Variants in IFRD1 observed in about 807,000 individuals in gnomAD.
IFRD1 encodes the protein interferon-related developmental regulator 1.
IFRD1 carries 35 observed loss-of-function variants against 52.9 expected under a neutral mutation model. The ratio of observed to expected loss-of-function variants is 0.66; its 90% CI spans 0.51 to 0.88. The LOEUF (loss-of-function observed/expected upper bound fraction) is 0.88. Among genes scored for constraint, IFRD1 ranks in the 40% least tolerant of loss-of-function variants. The pLI is 0.00. For synonymous variants in IFRD1, 184 were observed against 188.4 expected, an observed-to-expected ratio of 0.98 and a Z score of 0.19; for missense variants, 517 against 550.8, an observed-to-expected ratio of 0.94 and a Z score of 0.61.
At chr7:112,468,593 G>A (rs1052153280) in intron 9 of IFRD1, among the ~76,000 whole-genome samples, 1 of 152,028 alleles carries the variant, frequency 6.6e-6, no homozygotes, top group African/African-American at 2.4e-5. Flanking sequence ...TCCGCCTCCC[G>A]GGTTCAAGTA....
At chr7:112,427,684 A>G (rs1278247481) in intron 1 of IFRD1, among the ~76,000 whole-genome samples, 1 of 152,180 alleles carries the variant, frequency 6.6e-6, no homozygotes, top group Non-Finnish European at 1.5e-5. Context: ...CCTACTCACA[A>G]GCTTAGACAT....
chr7:112,439,355 A>C (rs1009682621), intron 1 of IFRD1, among the ~76,000 whole-genome samples: 3 of 152,254 alleles, frequency 2.0e-5, no homozygotes, highest in Admixed American at 1.3e-4. Flanking sequence ...TTCTGAATGC[A>C]TATAAGACTG....
upstream of IFRD1, chr7:112,446,023 G>A (rs1795022537): frequency 6.6e-6 from 1 of 152,088 alleles, no homozygotes; most frequent in Non-Finnish European, 1.5e-5. Flanking sequence ...ATTAGTGACC[G>A]AGGATCAGTA....
At position 112,461,939 on chromosome 7, in the gene IFRD1, T is replaced by A. The variant is rs767395480; in HGVS notation, c.618+23T>A. Reference sequence around the variant, plus strand: ...ACTGTAAGTAAAAAACCTTTGATTCTAGTTATCTGCAGTTATTTCTAATTT... The same window carrying A: ...ACTGTAAGTAAAAAACCTTTGATTCAAGTTATCTGCAGTTATTTCTAATTT... On this transcript the variant is annotated intron_variant, in intron 6 of 11. Coordinates refer to ENST00000403825, the MANE Select transcript of IFRD1 (RefSeq NM_001550.4). The A allele has an allele frequency of 2.5e-6, 4 of 1,606,304 alleles. No individual in the cohort carries two copies. In the South Asian group the frequency reaches 4.4e-5, roughly 18 times the overall value.
At position 112,457,383 on chromosome 7, in the gene IFRD1, CATTG is replaced by C. The variant is rs1161459557; in HGVS notation, c.409+350_409+353del. 9 of 381,340 alleles carry C rather than the reference CATTG, an allele frequency of 2.4e-5. No individual in the cohort carries two copies. In the East Asian group the frequency reaches 3.9e-4, roughly 16 times the overall value. The allele number at this position is 381,340 out of a possible 1,614,324, so 23.6% of individuals were successfully genotyped here. On this transcript the variant is annotated intron_variant, in intron 4 of 11. Coordinates refer to ENST00000403825, the MANE Select transcript of IFRD1 (RefSeq NM_001550.4). ...CATTTTCCCTTGCACTTATATAAAA[CATTG>C]ATTGTACCTGTAAATTACATCATTT...
Position 112,462,091 on chromosome 7 carries a change from A to C in IFRD1, c.709A>C (p.Asn237His). 6.2e-7 allele frequency: 1 copy of C among 1,611,072 alleles called. No individual in the cohort carries two copies. Among genetic ancestry groups the C allele is most frequent in the Non-Finnish European group, 8.5e-7 (1 of 1,177,364 alleles). Residue 237 changes from asparagine (N) to histidine (H), a missense_variant, in exon 7 of 12, where the codon AAT becomes CAT. Asn to His is a moderately conservative substitution (Grantham distance 68). Coordinates refer to ENST00000403825, the MANE Select transcript of IFRD1 (RefSeq NM_001550.4). The part of the protein sequence containing the change: ...KDTTVICSTP[N>H]TVLHISSLLA... The stretch of plus-strand genomic sequence containing the variant: ...CACTACTGTTATTTGCAGCACTCCT[A>C]ATACAGTGCTTCATATCAGCTCTCT...
rs1365354267 is a variant in IFRD1 at position 112,475,645 on chromosome 7, T to C, written c.*126T>C. 4 of 665,984 alleles carry C rather than the reference T, an allele frequency of 6.0e-6. No individual in the cohort carries two copies. Among genetic ancestry groups the C allele is most frequent in the East Asian group, 5.5e-5 (2 of 36,528 alleles). The allele number at this position is 665,984 out of a possible 1,614,324, so 41.3% of individuals were successfully genotyped here. A position where few individuals can be genotyped will look rare whatever the true frequency, so the allele number is the denominator to read the frequency against. ...ACTTTTGTAGCAGTGGTTATATTGC[T>C]TATAATTTAATGTACAATACTATTG... On this transcript the variant is annotated 3_prime_UTR_variant, in exon 12 of 12. Coordinates refer to ENST00000403825, the MANE Select transcript of IFRD1 (RefSeq NM_001550.4).
intron 1 of IFRD1, among the ~76,000 whole-genome samples, chr7:112,442,405 T>C (rs1277432969): frequency 1.3e-5 from 2 of 152,216 alleles, no homozygotes; most frequent in Non-Finnish European, 2.9e-5. Context: ...ACAAAGACCT[T>C]TACATAATGA....
At chr7:112,450,861 TGTA>T (rs1795142039) in intron 1 of IFRD1, 79 bp downstream of exon 1, 2 of 986,678 alleles carry the variant, frequency 2.0e-6, no homozygotes, top group African/African-American at 3.2e-5. Context: ...CGGTGGGAGT[TGTA>T]GTTCTTTCTC....
At chr7:112,445,457 AC>A (rs1220100004) in intron 1 of IFRD1, among the ~76,000 whole-genome samples, 19 of 152,256 alleles carry the variant, frequency 1.2e-4, no homozygotes, top group Admixed American at 1.0e-3. Flanking sequence ...TTCTTCATCC[AC>A]AAAATGGTAA....
At chr7:112,459,358 A>G (rs1377084567) in intron 5 of IFRD1, among the ~76,000 whole-genome samples, 1 of 152,160 alleles carries the variant, frequency 6.6e-6, no homozygotes, top group Non-Finnish European at 1.5e-5. Context: ...ACCTCTTGCA[A>G]CACTTGACTT....
At chr7:112,425,146 T>C (rs775356152) in intron 1 of IFRD1, among the ~76,000 whole-genome samples, 7 of 152,180 alleles carry the variant, frequency 4.6e-5, no homozygotes, top group Non-Finnish European at 8.8e-5. Flanking sequence ...GCTGGGATTA[T>C]AGGTATGGCA....
intron 5 of IFRD1, 55 bp downstream of exon 5, chr7:112,459,073 G>T (rs1795365775): frequency 1.4e-6 from 2 of 1,423,260 alleles, no homozygotes; most frequent in African/African-American, 1.5e-5. Flanking sequence ...ACCCAGACGT[G>T]GTGCGCCTAT....
At chr7:112,474,358 A>G (rs1005202996) in intron 11 of IFRD1, among the ~76,000 whole-genome samples, 1 of 152,192 alleles carries the variant, frequency 6.6e-6, no homozygotes, top group African/African-American at 2.4e-5. Context: ...ACCAGTTTAC[A>G]TTCTCATCAG....
intron 5 of IFRD1, among the ~76,000 whole-genome samples, chr7:112,459,466 A>G (rs1012472755): frequency 1.3e-5 from 2 of 152,040 alleles, no homozygotes; most frequent in African/African-American, 4.8e-5. Context: ...CACAGAAAAC[A>G]GAAGACACTG....
rs1342318201 is a variant in IFRD1, at chr7:112,475,848, C to G, written c.*329C>G. ...TGTGGTTGTCAAGAATACTGATTTA[C>G]TATAATGATATATACATGCAAGATA... On this transcript the variant is annotated 3_prime_UTR_variant, in exon 12 of 12. Coordinates refer to ENST00000403825, the MANE Select transcript of IFRD1 (RefSeq NM_001550.4). 1.5e-5 allele frequency: 4 copies of G among 266,840 alleles called. No individual in the cohort carries two copies. Among genetic ancestry groups the G allele is most frequent in the Admixed American group, 5.1e-5 (1 of 19,760 alleles). 16.5% of individuals were successfully genotyped at this position (266,840 alleles called of 1,614,324 possible).
At chr7:112,452,470 C>T (rs1475974303) in intron 1 of IFRD1, 19 of 981,384 alleles carry the variant, frequency 1.9e-5, no homozygotes, top group Non-Finnish European at 2.1e-5. Context: ...TGTGTTTCAG[C>T]TTTTCCTCAT....
chr7:112,444,432 A>G (rs1794971463), intron 1 of IFRD1, among the ~76,000 whole-genome samples: 1 of 152,236 alleles, frequency 6.6e-6, no homozygotes, highest in Non-Finnish European at 1.5e-5. Flanking sequence ...TCTCAAATTT[A>G]GCATGCTGTA....
Position 112,450,847 on chromosome 7 carries a change from G to C in IFRD1, c.94+65G>C, listed in dbSNP as rs1795141337. The C allele has an allele frequency of 1.4e-5, 15 of 1,107,660 alleles. No homozygotes were observed. The South Asian group carries it at 1.6e-4, about 12-fold the overall frequency. The allele number at this position is 1,107,660 out of a possible 1,614,324, so 68.6% of individuals were successfully genotyped here. On this transcript the variant is annotated intron_variant, in intron 1 of 11. Transcript: ENST00000403825. ...CAGGCTGGCGAGTCTTCCATGCTTC[G>C]GCACGGTGGGAGTTGTAGTTCTTTC...
Sources: gnomAD v4.1 joint callset for allele counts (sites outside exome capture counted in the v4.1 genomes callset) on GRCh38, gnomAD v4.1.1 for gene constraint, MANE v1.5 for transcripts, NCBI Gene and HGNC (gene_info 2026-07-23, HGNC 2026-07-21) for gene names.